ATXN1L: variants seen among roughly 807,000 people sequenced by gnomAD.
The protein encoded by ATXN1L is ataxin-1-like.
In ATXN1L, 8 loss-of-function variants were observed where a neutral mutation model predicts 43.4. That is an observed-to-expected ratio of 0.18 (90% CI 0.11 to 0.33). The LOEUF (loss-of-function observed/expected upper bound fraction) is 0.33. Ranked by LOEUF, ATXN1L falls within the 10% of genes least tolerant of loss-of-function variation. ATXN1L has a pLI of 1.00. For missense variants in ATXN1L, 856 were observed against 885.4 expected (o/e 0.97, Z 0.42); for synonymous variants, 379 against 360.6 (o/e 1.05, Z -0.58).
chr16:71,850,793 G>A lies in ATXN1L; in HGVS notation c.1053G>A (p.Val351=). 6.4e-7 allele frequency: 1 copy of A among 1,551,680 alleles called. No homozygotes were observed. The highest frequency in any genetic ancestry group is 8.7e-7 in the Non-Finnish European group (1 of 1,146,986). ...CTTTAGCTTCTCAGGACTATCGTGT[G>A]GTGGCAGCTCAGAGGAAGGAGGAAC... ...VGALASQDYR[V]VAAQRKEEPS... Residue 351 remains valine, a synonymous_variant, in exon 3 of 3, where the codon GTG becomes GTA. Transcript: ENST00000427980.
chr16:71,847,425 C>T (rs1236678668), intron 1 of ATXN1L, among the ~76,000 whole-genome samples: 2 of 151,974 alleles, frequency 1.3e-5, no homozygotes, highest in African/African-American at 2.4e-5. Flanking sequence ...TACACACACA[C>T]ATATGCTCAT....
Position 71,850,977 on chromosome 16 carries a change from A to G in ATXN1L, c.1237A>G (p.Met413Val), listed in dbSNP as rs191148831. 22 of 1,551,686 alleles carry G rather than the reference A, an allele frequency of 1.4e-5. No homozygotes were observed. In the East Asian group the frequency reaches 4.9e-4, roughly 34 times the overall value. The change falls in exon 3 of 3, where the codon ATG becomes GTG. Residue 413 changes from methionine to valine, a missense_variant. Met to Val is a conservative substitution (Grantham distance 21, BLOSUM62 1). This residue lies in a region of ATXN1L where 490 missense variants were observed against 449.4 expected (regional missense o/e 1.09). Transcript: ENST00000427980. ...AAAACATAGACCTTTACCCAAAGCA[A>G]TGGTTGTAGCCAATGGCAACCTGGT... The part of the protein sequence containing the change: ...PVKHRPLPKA[M>V]VVANGNLVPT...
intron 1 of ATXN1L, 114 bp downstream of exon 1, chr16:71,846,218 T>C (rs1306322428): frequency 6.4e-6 from 1 of 155,498 alleles, no homozygotes; most frequent in African/African-American, 2.4e-5. Context: ...CCATGAACCG[T>C]GGACAGACGG....
rs190334052 is a variant in ATXN1L at position 71,855,193 on chromosome 16, C to T, written c.*3383C>T. 375 of 167,214 alleles carry T rather than the reference C, an allele frequency of 2.2e-3. 2 individuals are homozygous for T. The highest frequency in any genetic ancestry group is 3.3e-3 in the Non-Finnish European group (225 of 68,154). 10.4% of individuals were successfully genotyped at this position (167,214 alleles called of 1,614,324 possible). On this transcript the variant is annotated 3_prime_UTR_variant, in exon 3 of 3. Coordinates refer to ENST00000427980, the MANE Select transcript of ATXN1L (RefSeq NM_001137675.4). ...TGTTATTTTATAGCGAAGTCATGTT[C>T]GATAGGGATGGTATGAAATGCTGCT...
Position 71,857,289 on chromosome 16 carries a change from A to G in ATXN1L, c.*5479A>G, listed in dbSNP as rs1229734383. The G allele has an allele frequency of 6.3e-6, 1 of 158,576 alleles. No homozygotes were observed. The highest frequency in any genetic ancestry group is 1.5e-5 in the Non-Finnish European group (1 of 68,074). The allele number at this position is 158,576 out of a possible 1,614,324, so 9.8% of individuals were successfully genotyped here. A position where few individuals can be genotyped will look rare whatever the true frequency, so the allele number is the denominator to read the frequency against. On this transcript the variant is annotated 3_prime_UTR_variant, in exon 3 of 3. Transcript: ENST00000427980. ...GTAAACACAATATCTATCAATATCT[A>G]TATATCTATATATCTATCTATATAA...
At position 71,855,453 on chromosome 16, in the gene ATXN1L, G is replaced by A. The variant is rs573225039; in HGVS notation, c.*3643G>A. 1.8e-5 allele frequency: 3 copies of A among 167,154 alleles called. No individual in the cohort carries two copies. The highest frequency in any genetic ancestry group is 4.4e-5 in the Non-Finnish European group (3 of 68,142). 10.4% of individuals were successfully genotyped at this position (167,154 alleles called of 1,614,324 possible). On this transcript the variant is annotated 3_prime_UTR_variant, in exon 3 of 3. Transcript: ENST00000427980. The stretch of plus-strand genomic sequence containing the variant: ...AAGTTCGTCCAGCTCCAGTTAGGTG[G>A]ATTCTGGAGTTCGGAGAGGGTTTAA...
At chr16:71,849,559 C>G (rs1360437270) in intron 2 of ATXN1L, 65 bp from the exon 3 acceptor site, 1 of 526,746 alleles carries the variant, frequency 1.9e-6, no homozygotes, top group East Asian at 3.2e-5. Flanking sequence ...ACAGTTCTTT[C>G]TATTTCCTTT....
At chr16:71,848,163 T>C in intron 2 of ATXN1L, 92 bp downstream of exon 2, 1 of 430,594 alleles carries the variant, frequency 2.3e-6, no homozygotes, top group South Asian at 1.6e-5. Flanking sequence ...GAAAGCTCTT[T>C]TCAGATCCAA....
chr16:71,850,568 G>C lies in ATXN1L; in HGVS notation c.828G>C (p.Glu276Asp). 5 of 1,551,758 alleles carry C rather than the reference G, an allele frequency of 3.2e-6. No homozygotes were observed. Among genetic ancestry groups the C allele is most frequent in the Non-Finnish European group, 4.4e-6 (5 of 1,147,010 alleles). The change falls in exon 3 of 3, where the codon GAG (glutamate) becomes GAC (aspartate). Residue 276 changes from glutamate to aspartate, a missense_variant. Physicochemically the swap from Glu to Asp is conservative, Grantham distance 45. Coordinates refer to ENST00000427980, the MANE Select transcript of ATXN1L (RefSeq NM_001137675.4). Reference protein sequence around the residue: ...AAANGGQRPRERNLVRRESEA... With the variant: ...AAANGGQRPRDRNLVRRESEA... Reference sequence around the variant, plus strand: ...CAAATGGAGGACAGAGACCACGAGAGCGAAATTTAGTAAGACGGGAAAGTG... The same window carrying C: ...CAAATGGAGGACAGAGACCACGAGACCGAAATTTAGTAAGACGGGAAAGTG...
Position 71,855,671 on chromosome 16 carries a change from T to C in ATXN1L, c.*3861T>C, listed in dbSNP as rs563805393. On this transcript the variant is annotated 3_prime_UTR_variant, in exon 3 of 3. Coordinates refer to ENST00000427980, the MANE Select transcript of ATXN1L (RefSeq NM_001137675.4). ...TTGACTGGGAAAAGGCCTGGGTCCA[T>C]TGGAGTAAAGATAACCTAGTCGATT... 1.2e-5 allele frequency: 2 copies of C among 167,206 alleles called. No individual in the cohort carries two copies. Among genetic ancestry groups the C allele is most frequent in the South Asian group, 2.1e-4 (1 of 4,828 alleles). The allele number at this position is 167,206 out of a possible 1,614,324, so 10.4% of individuals were successfully genotyped here. A position where few individuals can be genotyped will look rare whatever the true frequency, so the allele number is the denominator to read the frequency against.
rs1335106614 is a variant in ATXN1L at position 71,850,477 on chromosome 16, C to T, written c.737C>T (p.Pro246Leu). 6.4e-7 allele frequency: 1 copy of T among 1,551,736 alleles called. No individual in the cohort carries two copies. ...LPAGYTLHET[P>L]PAGASPVLTP... ...GCTGGGTATACTTTGCATGAAACCC[C>T]TCCAGCAGGTGCCAGCCCAGTTCTT... Residue 246 changes from proline (P) to leucine (L), a missense_variant, in exon 3 of 3, where the codon CCT becomes CTT. Pro to Leu is a moderately conservative substitution (Grantham distance 98). Around this residue, in one of 7 missense-constraint regions of ATXN1L, gnomAD observed 490 missense variants for 449.4 expected, o/e 1.09. Coordinates refer to ENST00000427980, the MANE Select transcript of ATXN1L (RefSeq NM_001137675.4).
Position 71,851,270 on chromosome 16 carries a change from C to G in ATXN1L, c.1530C>G (p.Val510=), listed in dbSNP as rs149640121. Reference sequence around the variant, plus strand: ...GGCTGAAGATTGACTCTAGCACGGTCGTGGACATTCAGGAGAGCCAATGGC... The same window carrying G: ...GGCTGAAGATTGACTCTAGCACGGTGGTGGACATTCAGGAGAGCCAATGGC... ...SGGLKIDSST[V]VDIQESQWPG... is the part of the protein sequence containing the mutation. Residue 510 remains valine (V), a synonymous_variant, in exon 3 of 3, where the codon GTC becomes GTG. Transcript: ENST00000427980. This position sits in a 1 kb window ranked among gnomAD's most constrained non-coding sequence, Gnocchi z 4.9. 1.3e-6 allele frequency: 2 copies of G among 1,551,492 alleles called. No individual in the cohort carries two copies. The highest frequency in any genetic ancestry group is 2.7e-5 in the African/African-American group (2 of 73,016).
At position 71,851,750 on chromosome 16, in the gene ATXN1L, C is replaced by T; in HGVS notation, c.2010C>T (p.Pro670=). The part of the protein sequence containing the change: ...GEEARAALLR[P]SFIPQEVKLS... Reference sequence around the variant, plus strand: ...AGGCACGGGCTGCGCTGCTCCGTCCCTCTTTCATTCCACAGGAGGTAAAGC... The same window carrying T: ...AGGCACGGGCTGCGCTGCTCCGTCCTTCTTTCATTCCACAGGAGGTAAAGC... The change falls in exon 3 of 3, where the codon CCC becomes CCT. Residue 670 remains proline (P), a synonymous_variant. Coordinates refer to ENST00000427980, the MANE Select transcript of ATXN1L (RefSeq NM_001137675.4). This position sits in a 1 kb window ranked among gnomAD's most constrained non-coding sequence, Gnocchi z 4.9. 2.1e-6 allele frequency: 3 copies of T among 1,450,242 alleles called. No individual in the cohort carries two copies. The highest frequency in any genetic ancestry group is 2.7e-6 in the Non-Finnish European group (3 of 1,097,380). The allele number at this position is 1,450,242 out of a possible 1,614,324, so 89.8% of individuals were successfully genotyped here.
intron 2 of ATXN1L, among the ~76,000 whole-genome samples, chr16:71,849,215 TTAAAAAAAAAA>T (rs1166446629): frequency 2.3e-5 from 2 of 86,058 alleles, no homozygotes; most frequent in Admixed American, 2.6e-4. Flanking sequence ...TCCATGTGTT[TTAAAAAAAAAA>T]AAAAAAAAAA....
At position 71,849,708 on chromosome 16, in the gene ATXN1L, T is replaced by G; in HGVS notation, c.-33T>G. 6.8e-7 allele frequency: 1 copy of G among 1,463,420 alleles called. No homozygotes were observed. 90.7% of individuals were successfully genotyped at this position (1,463,420 alleles called of 1,614,324 possible). On this transcript the variant is annotated 5_prime_UTR_variant, in exon 3 of 3. Transcript: ENST00000427980. The stretch of plus-strand genomic sequence containing the variant: ...CTGATGCCCCAGGGAGCAAGTCGAC[T>G]CCTTCCAGGCTCCAGGAACACCACA...
intron 1 of ATXN1L, among the ~76,000 whole-genome samples, chr16:71,846,657 G>T (rs959053532): frequency 1.4e-4 from 21 of 152,190 alleles, no homozygotes; most frequent in Admixed American, 1.2e-3. Context: ...CAACTCTCCT[G>T]AACAGCCTGT....
chr16:71,848,048 T>C lies in ATXN1L; in HGVS notation c.-141T>C. The C allele has an allele frequency of 2.2e-6, 1 of 456,054 alleles. No individual in the cohort carries two copies. 28.3% of individuals were successfully genotyped at this position (456,054 alleles called of 1,614,324 possible). ...CCGGGAGGACACTTACTACAGCTGC[T>C]CAGAAGCACCACTGGAAACTCAGGT... On this transcript the variant is annotated 5_prime_UTR_variant, in exon 2 of 3. Transcript: ENST00000427980.
In ATXN1L at chr16:71,851,888, A is replaced by G; in HGVS notation, c.*78A>G. Reference sequence around the variant, plus strand: ...CCGTGAGCAGGCAGAGGATTTGCACACGCCGAGCAGGGAATGGCTTTCTTG... The same window carrying G: ...CCGTGAGCAGGCAGAGGATTTGCACGCGCCGAGCAGGGAATGGCTTTCTTG... On this transcript the variant is annotated 3_prime_UTR_variant, in exon 3 of 3. Transcript: ENST00000427980. This position sits in a 1 kb window ranked among gnomAD's most constrained non-coding sequence, Gnocchi z 4.9. 1 of 1,348,140 alleles carries G rather than the reference A, an allele frequency of 7.4e-7. No individual in the cohort carries two copies. The allele number at this position is 1,348,140 out of a possible 1,614,324, so 83.5% of individuals were successfully genotyped here. A position where few individuals can be genotyped will look rare whatever the true frequency, so the allele number is the denominator to read the frequency against.
Position 71,851,348 on chromosome 16 carries a change from C to G in ATXN1L, c.1608C>G (p.Ser536Arg). 1 of 1,551,674 alleles carries G rather than the reference C, an allele frequency of 6.4e-7. No homozygotes were observed. Among genetic ancestry groups the G allele is most frequent in the Non-Finnish European group, 8.7e-7 (1 of 1,146,992 alleles). The change falls in exon 3 of 3, where the codon AGC (serine) becomes AGG (arginine). Residue 536 changes from serine (S) to arginine (R), a missense_variant. Physicochemically the swap from Ser to Arg is moderately radical, Grantham distance 110. Coordinates refer to ENST00000427980, the MANE Select transcript of ATXN1L (RefSeq NM_001137675.4). The surrounding 1 kb of genome is among the most constrained non-coding windows in gnomAD (Gnocchi z 4.9). ...TTGGTGAGCAGCAGAGCAAAGTGAG[C>G]ATCGAAGTGCCCCCCGAGCACCCCT... Reference protein sequence around the residue: ...FVVGEQQSKVSIEVPPEHPFF... With the variant: ...FVVGEQQSKVRIEVPPEHPFF...
Sources: gnomAD v4.1 joint callset for allele counts (sites outside exome capture counted in the v4.1 genomes callset) on GRCh38, gnomAD v4.1.1 for gene constraint, gnomAD v4.1.1 regional missense constraint, Gnocchi (gnomAD v3.1) non-coding constraint, MANE v1.5 for transcripts, NCBI Gene and HGNC (gene_info 2026-07-23, HGNC 2026-07-21) for gene names.